The following SHANK1 variants were observed in gnomAD, a reference collection of about 807,000 sequenced individuals.
The protein encoded by SHANK1 is SH3 and multiple ankyrin repeat domains 1.
In SHANK1, 35 loss-of-function variants were observed where a neutral mutation model predicts 165.6. The ratio of observed to expected loss-of-function variants is 0.21; its 90% CI spans 0.16 to 0.28. The LOEUF (loss-of-function observed/expected upper bound fraction) is 0.28, where lower values mean the gene tolerates loss of function less well. Among genes scored for constraint, SHANK1 ranks in the 10% least tolerant of loss-of-function variants. SHANK1 has a pLI of 1.00. For synonymous variants in SHANK1, 1,428 were observed against 1,384.8 expected (o/e 1.03, Z -0.69); for missense variants, 2,681 against 3,036.4 (o/e 0.88, Z 2.75).
At chr19:50,684,305 AACC>A (rs1365382373) in intron 21 of SHANK1, among the ~76,000 whole-genome samples, 1 of 151,728 alleles carries the variant, frequency 6.6e-6, no homozygotes, top group Non-Finnish European at 1.5e-5. Context: ...GGCTTACTGC[AACC>A]CCCGCCTCGC....
At position 50,718,902 on chromosome 19, in the gene SHANK1, C is replaced by G. The variant is rs2089100115; in HGVS notation, c.-44+504G>C. Among the ~76,000 whole-genome samples, 1 of 150,564 alleles carries G rather than the reference C, an allele frequency of 6.6e-6. No homozygotes were observed. Among genetic ancestry groups the G allele is most frequent in the African/African-American group, 2.5e-5 (1 of 40,796 alleles). On this transcript the variant is annotated intron_variant, in intron 1 of 23. Coordinates refer to ENST00000293441, the MANE Select transcript of SHANK1 (RefSeq NM_016148.5). This position sits in a 1 kb window ranked among gnomAD's most constrained non-coding sequence, Gnocchi z 5.1. ...AGGGACTGGAGACCTGGTGGGGACG[C>G]AGGGAGCTTGGACAGGGGTGGAAAG...
intron 4 of SHANK1, 41 bp from the exon 5 acceptor site, chr19:50,714,331 A>G: frequency 6.4e-7 from 1 of 1,569,826 alleles, no homozygotes; most frequent in South Asian, 1.1e-5. Flanking sequence ...GACAGTCAGG[A>G]GCAAGGCAGA....
chr19:50,669,025 G>A lies in SHANK1; in HGVS notation c.2935C>T (p.Arg979Cys). Residue 979 changes from arginine (R) to cysteine (C), a missense_variant, in exon 23 of 24, where the codon CGC (arginine) becomes TGC (cysteine). By Grantham distance (180) the Arg-to-Cys change is radical (BLOSUM62 -3). This residue lies in a region of SHANK1 where 1,713 missense variants were observed against 1,630.2 expected (regional missense o/e 1.05). Transcript: ENST00000293441. ...AGGCTCTTCTCGCGGCTCCCCACGC[G>A]AGTGTCGGGAGGGGAGGGCCCGTCA... The part of the protein sequence containing the change: ...SFDGPSPPDT[R>C]VGSREKSLYH... 2 of 846,474 alleles carry A rather than the reference G, an allele frequency of 2.4e-6. No individual in the cohort carries two copies. The highest frequency in any genetic ancestry group is 3.6e-4 in the Middle Eastern group (1 of 2,810). 52.4% of individuals were successfully genotyped at this position (846,474 alleles called of 1,614,324 possible). A position where few individuals can be genotyped will look rare whatever the true frequency, so the allele number is the denominator to read the frequency against.
In SHANK1 at chr19:50,718,991, G is replaced by C. The variant is rs554955738; in HGVS notation, c.-44+415C>G. Among the ~76,000 whole-genome samples, 1 of 151,886 alleles carries C rather than the reference G, an allele frequency of 6.6e-6. No individual in the cohort carries two copies. Among genetic ancestry groups the C allele is most frequent in the Non-Finnish European group, 1.5e-5 (1 of 67,866 alleles). On this transcript the variant is annotated intron_variant, in intron 1 of 23. Transcript: ENST00000293441. This position sits in a 1 kb window ranked among gnomAD's most constrained non-coding sequence, Gnocchi z 5.1. ...GGGTCGAAAGGGGCGGAGGAGGCCCGGGCCTAGACCCTCGCTGGAGGGGAG... is the reference window on the plus strand; with the variant it reads ...GGGTCGAAAGGGGCGGAGGAGGCCCCGGCCTAGACCCTCGCTGGAGGGGAG...
At chr19:50,683,342 G>A (rs1986233658) in intron 21 of SHANK1, among the ~76,000 whole-genome samples, 1 of 152,182 alleles carries the variant, frequency 6.6e-6, no homozygotes, top group Admixed American at 6.5e-5. Flanking sequence ...ATATGCAGTA[G>A]TTGTGTTATA....
intron 7 of SHANK1, 35 bp from the exon 8 acceptor site, chr19:50,711,522 A>G: frequency 6.8e-7 from 1 of 1,478,340 alleles, no homozygotes; most frequent in Non-Finnish European, 9.2e-7. Context: ...CATGGATCAG[A>G]CCCAGGCTGT....
At position 50,697,329 on chromosome 19, in the gene SHANK1, C is replaced by T. The variant is rs541189410; in HGVS notation, c.1938-207G>A. On this transcript the variant is annotated intron_variant, in intron 14 of 23. Transcript: ENST00000293441. The surrounding 1 kb of genome is among the most constrained non-coding windows in gnomAD (Gnocchi z 4.7). ...AGCCAGACATAAGAGCGCCCCGGCC[C>T]CCCCAGGCATCCCCACCCTGCCCTG... Among the ~76,000 whole-genome samples, 11 of 152,312 alleles carry T rather than the reference C, an allele frequency of 7.2e-5. No homozygotes were observed. Among genetic ancestry groups the T allele is most frequent in the African/African-American group, 2.2e-4 (9 of 41,564 alleles).
chr19:50,708,011 G>C (rs1048979899), intron 8 of SHANK1, among the ~76,000 whole-genome samples: 2 of 150,480 alleles, frequency 1.3e-5, no homozygotes, highest in Non-Finnish European at 2.9e-5. Context: ...GCAATGGCGC[G>C]ATCTCAGCTC....
Position 50,688,252 on chromosome 19 carries a change from T to TG in SHANK1, c.2173-195dup, listed in dbSNP as rs1986424335. Among the ~76,000 whole-genome samples, 1 of 152,162 alleles carries TG rather than the reference T, an allele frequency of 6.6e-6. No individual in the cohort carries two copies. Among genetic ancestry groups the TG allele is most frequent in the Admixed American group, 6.5e-5 (1 of 15,288 alleles). On this transcript the variant is annotated intron_variant, in intron 17 of 23. Transcript: ENST00000293441. This position sits in a 1 kb window ranked among gnomAD's most constrained non-coding sequence, Gnocchi z 6.7. ...TTCCCACCCTCCCTGGCCCCAGGGT[T>TG]GGGGGAGAGGCTCAGCCTACCCTAT...
chr19:50,687,818 G>A, intron 18 of SHANK1, 105 bp downstream of exon 18: 4 of 1,480,636 alleles, frequency 2.7e-6, no homozygotes, highest in Non-Finnish European at 3.7e-6. Context: ...CGGAGAAGCA[G>A]TGCTAGGGAA....
At chr19:50,689,358 C>G in intron 15 of SHANK1, 79 bp from the exon 16 acceptor site, 2 of 1,058,416 alleles carry the variant, frequency 1.9e-6, no homozygotes, top group Non-Finnish European at 3.0e-6. Flanking sequence ...CTGTCCCCCA[C>G]CCGGCAACCC....
At chr19:50,694,517 G>A (rs1986659781) in intron 15 of SHANK1, among the ~76,000 whole-genome samples, 1 of 143,456 alleles carries the variant, frequency 7.0e-6, no homozygotes. Flanking sequence ...AAGGGCGGCA[G>A]AAAGGCGAGT....
chr19:50,708,231 C>T (rs1433658860), intron 8 of SHANK1, among the ~76,000 whole-genome samples: 2 of 152,078 alleles, frequency 1.3e-5, no homozygotes, highest in Non-Finnish European at 2.9e-5. Flanking sequence ...AGGTGTGAGG[C>T]ACCGCGCCTG....
intron 15 of SHANK1, among the ~76,000 whole-genome samples, chr19:50,695,982 A>C (rs1986726012): frequency 1.3e-5 from 2 of 152,164 alleles, no homozygotes; most frequent in African/African-American, 4.8e-5. Flanking sequence ...ACGGCACAGC[A>C]CAGGCCAGGC....
At chr19:50,672,555 C>CAAAAAAAAAAA (rs3987747) in intron 21 of SHANK1, among the ~76,000 whole-genome samples, 39 of 35,496 alleles carry the variant, frequency 1.1e-3, no homozygotes, top group African/African-American at 3.2e-3. Context: ...GACTCTGTCT[C>CAAAAAAAAAAA]AAAAAAAAAA....
At position 50,668,538 on chromosome 19, in the gene SHANK1, G is replaced by C; in HGVS notation, c.3422C>G (p.Pro1141Arg). 1 of 1,355,720 alleles carries C rather than the reference G, an allele frequency of 7.4e-7. No individual in the cohort carries two copies. Among genetic ancestry groups the C allele is most frequent in the Non-Finnish European group, 9.5e-7 (1 of 1,055,086 alleles). 84.0% of individuals were successfully genotyped at this position (1,355,720 alleles called of 1,614,324 possible). The part of the protein sequence containing the change: ...SPTSPASPQP[P>R]PAVAAPSEKN... ...CTCCGAGGGCGCGGCCACGGCGGGCGGCGGCTGCGGGGAGGCCGGGGACGT... is the reference window on the plus strand; with the variant it reads ...CTCCGAGGGCGCGGCCACGGCGGGCCGCGGCTGCGGGGAGGCCGGGGACGT... Residue 1141 changes from proline to arginine, a missense_variant, in exon 23 of 24, where the codon CCG becomes CGG. Pro to Arg is a moderately radical substitution (Grantham distance 103, BLOSUM62 -2). Coordinates refer to ENST00000293441, the MANE Select transcript of SHANK1 (RefSeq NM_016148.5).
At position 50,668,590 on chromosome 19, in the gene SHANK1, C is replaced by G; in HGVS notation, c.3370G>C (p.Gly1124Arg). The G allele has an allele frequency of 7.4e-7, 1 of 1,353,762 alleles. No individual in the cohort carries two copies. Among genetic ancestry groups the G allele is most frequent in the Non-Finnish European group, 9.5e-7 (1 of 1,050,644 alleles). 83.9% of individuals were successfully genotyped at this position (1,353,762 alleles called of 1,614,324 possible). A position where few individuals can be genotyped will look rare whatever the true frequency, so the allele number is the denominator to read the frequency against. Residue 1124 changes from glycine to arginine, a missense_variant, in exon 23 of 24, where the codon GGC (glycine) becomes CGC (arginine). Transcript: ENST00000293441. ...GGCGACGGCGCGGGCGGGAGGCCGCCGCCCTTCTGGGGCTCGCCTTCCACC... is the reference window on the plus strand; with the variant it reads ...GGCGACGGCGCGGGCGGGAGGCCGCGGCCCTTCTGGGGCTCGCCTTCCACC... ...TKVEGEPQKG[G>R]GLPPAPSPTS...
intron 22 of SHANK1, among the ~76,000 whole-genome samples, chr19:50,671,166 TA>T (rs1211443468): frequency 1.4e-5 from 2 of 143,564 alleles, no homozygotes; most frequent in Non-Finnish European, 3.0e-5. Flanking sequence ...CTTACTCCAT[TA>T]TTTTTTTTCA....
At chr19:50,680,174 G>A (rs1475835166) in intron 21 of SHANK1, among the ~76,000 whole-genome samples, 1 of 152,036 alleles carries the variant, frequency 6.6e-6, no homozygotes, top group Non-Finnish European at 1.5e-5. Flanking sequence ...GGGAGAGTGA[G>A]AGAGGCGAAG....
Sources: allele counts gnomAD v4.1 joint callset (sites outside exome capture counted in the v4.1 genomes callset), GRCh38; gene constraint gnomAD v4.1.1; regional missense constraint gnomAD v4.1.1; non-coding constraint Gnocchi (gnomAD v3.1); transcripts MANE v1.5; gene names NCBI Gene and HGNC (gene_info 2026-07-23, HGNC 2026-07-21).